The following CLCN6 variants were observed in gnomAD, a reference collection of about 807,000 sequenced individuals.
CLCN6 encodes H(+)/Cl(-) exchange transporter 6.
A neutral mutation model predicts 109.8 loss-of-function variants in CLCN6; 70 were observed. The observed-to-expected ratio is 0.64, with a 90% CI of 0.53 to 0.78. The LOEUF (loss-of-function observed/expected upper bound fraction) is 0.78, where lower values mean the gene tolerates loss of function less well. CLCN6 is among the 30% of genes least tolerant of loss of function. The pLI is 0.00. For missense variants in CLCN6, 984 were observed against 1,142.3 expected (o/e 0.86, Z 2.00); for synonymous variants, 444 against 447.8 (o/e 0.99, Z 0.11).
At chr1:11,820,274 C>T (rs1445414691) in intron 5 of CLCN6, 5 of 672,020 alleles carry the variant, frequency 7.4e-6, no homozygotes, top group South Asian at 4.8e-5. Context: ...GGCAGCATAG[C>T]AAGACCCTGT....
intron 10 of CLCN6, 25 bp from the exon 11 acceptor site, chr1:11,828,081 T>TTG (rs1644835224): frequency 6.4e-7 from 1 of 1,566,332 alleles, no homozygotes; most frequent in Non-Finnish European, 8.8e-7. Flanking sequence ...CTGAACCTTC[T>TTG]TGTCTTTTGT....
At position 11,833,940 on chromosome 1, in the gene CLCN6, CT is replaced by C; in HGVS notation, c.1438del (p.Tyr480ThrfsTer23). The C allele has an allele frequency of 6.2e-7, 1 of 1,614,072 alleles. No individual in the cohort carries two copies. The highest frequency in any genetic ancestry group is 8.5e-7 in the Non-Finnish European group (1 of 1,180,012). ...FVLYFLLACW[T>X]YGISVPSGLF... ...CTCTATTTCTTGCTTGCATGTTGGA[CT>C]TACGGCATTTCTGTTCCAAGTGGCC... On this transcript the variant is annotated frameshift_variant, in exon 15 of 23. Transcript: ENST00000346436. LOFTEE classifies it high-confidence loss of function.
At chr1:11,821,104 C>G (rs1426796196) in intron 5 of CLCN6, among the ~76,000 whole-genome samples, 3 of 146,400 alleles carry the variant, frequency 2.0e-5, no homozygotes, top group South Asian at 2.2e-4. Context: ...AAAAAACAAA[C>G]AAAATCAATA....
chr1:11,817,902 C>T (rs2100618859), intron 4 of CLCN6, among the ~76,000 whole-genome samples: 1 of 152,274 alleles, frequency 6.6e-6, no homozygotes, highest in East Asian at 1.9e-4. Context: ...CAGAAGCCCT[C>T]TTCAGTGATA....
At chr1:11,833,724 A>G in intron 14 of CLCN6, 86 bp downstream of exon 14, 2 of 1,587,238 alleles carry the variant, frequency 1.3e-6, no homozygotes, top group Non-Finnish European at 1.7e-6. Context: ...AAGCAAGACC[A>G]GGACTTCTTT....
At chr1:11,833,325 T>C (rs1177419129) in intron 13 of CLCN6, among the ~76,000 whole-genome samples, 190 bp from the exon 14 acceptor site, 1 of 152,150 alleles carries the variant, frequency 6.6e-6, no homozygotes, top group Non-Finnish European at 1.5e-5. Context: ...CCCGATTCTT[T>C]CATCTGTGCA....
At position 11,836,981 on chromosome 1, in the gene CLCN6, T is replaced by A. The variant is rs1298221918; in HGVS notation, c.1981-18T>A. On this transcript the variant is annotated intron_variant, in intron 18 of 22. Coordinates refer to ENST00000346436, the MANE Select transcript of CLCN6 (RefSeq NM_001286.5). The stretch of plus-strand genomic sequence containing the variant: ...TCGTTTGCCCATGCGCAGTAGCCTG[T>A]GGCCTCCCCACCCACAGAAATCCAG... 3 of 1,605,722 alleles carry A rather than the reference T, an allele frequency of 1.9e-6. No individual in the cohort carries two copies.
At chr1:11,814,845 A>G (rs1302838136) in intron 2 of CLCN6, among the ~76,000 whole-genome samples, 2 of 152,002 alleles carry the variant, frequency 1.3e-5, no homozygotes, top group Non-Finnish European at 2.9e-5. Flanking sequence ...ATCCTGGCTA[A>G]CACGGTGAAA....
chr1:11,814,611 C>A (rs1644644523), intron 2 of CLCN6, among the ~76,000 whole-genome samples: 1 of 152,142 alleles, frequency 6.6e-6, no homozygotes, highest in South Asian at 2.1e-4. Flanking sequence ...CTCTAAATGT[C>A]TGTGGCATAC....
intron 4 of CLCN6, among the ~76,000 whole-genome samples, chr1:11,817,267 C>T (rs904600676): frequency 1.3e-5 from 2 of 152,090 alleles, no homozygotes; most frequent in African/African-American, 2.4e-5. Context: ...AGGGAAAAAG[C>T]GAAGTCGTGG....
At position 11,842,850 on chromosome 1, in the gene CLCN6, T is replaced by A. The variant is rs1330894753; in HGVS notation, c.*2627T>A. On this transcript the variant is annotated 3_prime_UTR_variant, in exon 23 of 23. Coordinates refer to ENST00000346436, the MANE Select transcript of CLCN6 (RefSeq NM_001286.5). Reference sequence around the variant, plus strand: ...GCAGAATTATGCACTGACATGACCCTGGGTGACAGGAAAGCCTTTCGAGAG... The same window carrying A: ...GCAGAATTATGCACTGACATGACCCAGGGTGACAGGAAAGCCTTTCGAGAG... The A allele has an allele frequency of 6.6e-6, 1 of 152,274 alleles. No homozygotes were observed. The highest frequency in any genetic ancestry group is 1.5e-5 in the Non-Finnish European group (1 of 68,064). The allele number at this position is 152,274 out of a possible 1,614,324, so 9.4% of individuals were successfully genotyped here.
intron 3 of CLCN6, 185 bp downstream of exon 3, chr1:11,816,096 A>G (rs1168279715): frequency 1.9e-5 from 11 of 571,012 alleles, no homozygotes; most frequent in Non-Finnish European, 3.4e-5. Flanking sequence ...GGTTTTACAA[A>G]CTGGAGGTTG....
Position 11,837,038 on chromosome 1 carries a change from CGG to C in CLCN6, c.2021_2022del (p.Arg674GlnfsTer17). On this transcript the variant is annotated frameshift_variant, in exon 19 of 23. Coordinates refer to ENST00000346436, the MANE Select transcript of CLCN6 (RefSeq NM_001286.5). LOFTEE classifies it high-confidence loss of function. ...ILTRAGEQRK[R>X]SQSMKSYPSS... ...CACCCGGGCTGGCGAGCAGCGCAAA[CGG>C]AGCCAGTCCATGAAGTCCTACCCAT... is the stretch of plus-strand genomic sequence containing the variant. 1.9e-6 allele frequency: 3 copies of C among 1,612,642 alleles called. No homozygotes were observed. The highest frequency in any genetic ancestry group is 2.5e-6 in the Non-Finnish European group (3 of 1,180,032).
In CLCN6 at chr1:11,840,768, G is replaced by T. The variant is rs198414; in HGVS notation, c.*545G>T. On this transcript the variant is annotated 3_prime_UTR_variant, in exon 23 of 23. Coordinates refer to ENST00000346436, the MANE Select transcript of CLCN6 (RefSeq NM_001286.5). ...TCTTAACACGGTATCCTCGCTAGTT[G>T]GTTTTAAGGGAAACACTCTGCTCCT... 0.18 allele frequency: 31,375 copies of T among 171,272 alleles called. 3,916 individuals carry two copies. The highest frequency in any genetic ancestry group is 0.36 in the African/African-American group (15,350 of 42,364). The allele number at this position is 171,272 out of a possible 1,614,324, so 10.6% of individuals were successfully genotyped here.
intron 1 of CLCN6, 69 bp from the exon 2 acceptor site, chr1:11,807,062 G>A (rs1314182322): frequency 4.3e-5 from 59 of 1,363,442 alleles, no homozygotes; most frequent in Middle Eastern, 1.8e-4. Context: ...ACTGATTTCA[G>A]TAAATACTTC....
In CLCN6 at chr1:11,819,491, G is replaced by T. The variant is rs1644714393; in HGVS notation, c.283G>T (p.Gly95Cys). 5 of 1,613,968 alleles carry T rather than the reference G, an allele frequency of 3.1e-6. No homozygotes were observed. The highest frequency in any genetic ancestry group is 4.2e-6 in the Non-Finnish European group (5 of 1,179,906). The change falls in exon 5 of 23, where the codon GGT (glycine) becomes TGT (cysteine). Residue 95 changes from glycine (G) to cysteine (C), a missense_variant. By Grantham distance (159) the Gly-to-Cys change is radical. Coordinates refer to ENST00000346436, the MANE Select transcript of CLCN6 (RefSeq NM_001286.5). Reference sequence around the variant, plus strand: ...ACAGATCTCTTGCTCTTCACAGGTGGGTCTCTTTGTGGACTTTTTTGTGCG... The same window carrying T: ...ACAGATCTCTTGCTCTTCACAGGTGTGTCTCTTTGTGGACTTTTTTGTGCG... ...FAIGVCTGLVGLFVDFFVRLF... is the reference protein window; with the variant it reads ...FAIGVCTGLVCLFVDFFVRLF...
chr1:11,824,595 G>C, intron 8 of CLCN6, 42 bp downstream of exon 8: 1 of 1,564,298 alleles, frequency 6.4e-7, no homozygotes, highest in Non-Finnish European at 8.8e-7. Flanking sequence ...GGCAGGCCTA[G>C]TGGGAGGTCT....
chr1:11,828,311 G>A, intron 11 of CLCN6, 92 bp downstream of exon 11: 6 of 1,433,110 alleles, frequency 4.2e-6, no homozygotes, highest in Non-Finnish European at 4.9e-6. Flanking sequence ...CAGAGGGCTA[G>A]GTACAACTTC....
chr1:11,835,130 T>C (rs868689154), intron 17 of CLCN6, among the ~76,000 whole-genome samples: 4 of 152,330 alleles, frequency 2.6e-5, no homozygotes, highest in Admixed American at 6.5e-5. Context: ...TTTTCAACTT[T>C]CCGGGCTGTA....
Sources: gnomAD v4.1 joint callset for allele counts (sites outside exome capture counted in the v4.1 genomes callset) on GRCh38, gnomAD v4.1.1 for gene constraint, MANE v1.5 for transcripts, NCBI Gene and HGNC (gene_info 2026-07-23, HGNC 2026-07-21) for gene names.